NEDD4L: variants seen among roughly 807,000 people sequenced by gnomAD.
NEDD4L encodes the protein NEDD4 like E3 ubiquitin protein ligase.
Under a neutral mutation model 148.9 loss-of-function variants are expected in NEDD4L, and 54 were observed. The observed-to-expected ratio is 0.36, with a 90% confidence interval of 0.29 to 0.45. The LOEUF is 0.45. Ranked by LOEUF, NEDD4L falls within the 20% of genes least tolerant of loss-of-function variation. The pLI is 1.00. For synonymous variants in NEDD4L, 433 were observed against 440.7 expected, an observed-to-expected ratio of 0.98 and a Z score of 0.22; for missense variants, 856 against 1,233.8, an observed-to-expected ratio of 0.69 and a Z score of 4.59.
chr18:58,350,916 T>TGATTTCAG, intron 17 of NEDD4L, 75 bp from the exon 18 acceptor site: 1 of 1,186,510 alleles, frequency 8.4e-7, no homozygotes, highest in East Asian at 2.6e-5. Flanking sequence ...CTATAGTTTT[T>TGATTTCAG]AAATGTTGCC....
At chr18:58,389,039 G>T (rs1213342696) in intron 27 of NEDD4L, 46 bp from the exon 28 acceptor site, 2 of 1,496,358 alleles carry the variant, frequency 1.3e-6, no homozygotes, top group South Asian at 1.1e-5. Context: ...GTGTGATCTC[G>T]CACCTTTCAC....
At chr18:58,389,996 T>G (rs1300939249) in intron 28 of NEDD4L, 1 of 152,156 alleles carries the variant, frequency 6.6e-6, no homozygotes. Context: ...TGCCTTTTAT[T>G]ACTATTTCAA....
At chr18:58,049,747 C>T (rs1293273696) in intron 1 of NEDD4L, among the ~76,000 whole-genome samples, 10 of 152,076 alleles carry the variant, frequency 6.6e-5, no homozygotes, top group Non-Finnish European at 1.3e-4. Flanking sequence ...GAGGCCGAGG[C>T]AGGAGAATCA....
chr18:58,189,356 C>T (rs920544176), intron 2 of NEDD4L, among the ~76,000 whole-genome samples: 5 of 152,084 alleles, frequency 3.3e-5, no homozygotes, highest in African/African-American at 9.7e-5. Flanking sequence ...ACCTTTACAC[C>T]CCAGGAGTTG....
rs943644318 is a variant in NEDD4L at position 58,320,421 on chromosome 18, G to A, written c.349-2004G>A. Reference sequence around the variant, plus strand: ...AATTTGTTCTGCCTTAGCTTCTAGTGGATTGTTGACATGATGGCTCTTCCC... The same window carrying A: ...AATTTGTTCTGCCTTAGCTTCTAGTAGATTGTTGACATGATGGCTCTTCCC... On this transcript the variant is annotated intron_variant, in intron 6 of 30. Transcript: ENST00000400345. Among the ~76,000 whole-genome samples, 11 of 152,166 alleles carry A rather than the reference G, an allele frequency of 7.2e-5. No individual in the cohort carries two copies. The South Asian group carries it at 2.3e-3, about 32-fold the overall frequency.
At chr18:58,139,296 C>T (rs957371718) in intron 1 of NEDD4L, among the ~76,000 whole-genome samples, 27 of 151,782 alleles carry the variant, frequency 1.8e-4, no homozygotes, top group African/African-American at 5.8e-4. Context: ...AACCCCTCCC[C>T]CGACCCCCGC....
intron 1 of NEDD4L, among the ~76,000 whole-genome samples, chr18:58,127,998 T>C (rs1328303349): frequency 2.0e-5 from 3 of 152,114 alleles, no homozygotes; most frequent in Non-Finnish European, 2.9e-5. Flanking sequence ...AGTGCCACCA[T>C]GCCCGGCTAA....
chr18:58,120,568 A>G (rs547491611), intron 1 of NEDD4L, among the ~76,000 whole-genome samples: 31 of 152,206 alleles, frequency 2.0e-4, no homozygotes, highest in African/African-American at 7.5e-4. Flanking sequence ...TCACGAGGTC[A>G]GGAGATCGAG....
At chr18:58,119,876 C>T (rs536545) in intron 1 of NEDD4L, among the ~76,000 whole-genome samples, 22,843 of 152,122 alleles carry the variant, frequency 0.15, 1,894 homozygotes, top group South Asian at 0.24. Context: ...AGAAGCTGCC[C>T]GGGTGGTTCT....
chr18:58,375,063 T>G (rs79375322), intron 24 of NEDD4L, among the ~76,000 whole-genome samples: 3,886 of 152,186 alleles, frequency 0.026, 176 homozygotes, highest in African/African-American at 0.086. Context: ...GTCTCATCAG[T>G]GCCACCACTG....
intron 1 of NEDD4L, among the ~76,000 whole-genome samples, chr18:58,101,481 C>T (rs1316583344): frequency 2.0e-5 from 3 of 151,762 alleles, no homozygotes; most frequent in South Asian, 2.1e-4. Context: ...GGAAAGAGCC[C>T]GTTCTTTGTT....
chr18:58,156,710 G>A (rs991495006), intron 1 of NEDD4L, among the ~76,000 whole-genome samples: 5 of 152,212 alleles, frequency 3.3e-5, no homozygotes, highest in African/African-American at 1.2e-4. Context: ...TTTGACCTGG[G>A]TTAATGACCG....
At chr18:58,221,667 C>CT (rs2043789470) in intron 2 of NEDD4L, 6 of 985,314 alleles carry the variant, frequency 6.1e-6, no homozygotes, top group Non-Finnish European at 7.2e-6. Flanking sequence ...GGCCAGGGAG[C>CT]CGGAGGGTCA....
intron 2 of NEDD4L, among the ~76,000 whole-genome samples, chr18:58,218,911 G>A (rs1405461690): frequency 6.6e-6 from 1 of 152,186 alleles, no homozygotes; most frequent in African/African-American, 2.4e-5. Flanking sequence ...GTATTGTGAA[G>A]GCAGTGGTGG....
At chr18:58,322,390 A>G in intron 6 of NEDD4L, 35 bp from the exon 7 acceptor site, 1 of 1,399,068 alleles carries the variant, frequency 7.1e-7, no homozygotes, top group Non-Finnish European at 1.0e-6. Context: ...ATTATTAGGA[A>G]TATTAAAATT....
intron 1 of NEDD4L, among the ~76,000 whole-genome samples, chr18:58,161,230 C>T (rs2036165736): frequency 6.6e-6 from 1 of 152,158 alleles, no homozygotes; most frequent in African/African-American, 2.4e-5. Context: ...GGGTTTTCAC[C>T]ATGTTGGTCA....
intron 2 of NEDD4L, among the ~76,000 whole-genome samples, chr18:58,238,544 G>T (rs909367598): frequency 6.6e-6 from 1 of 152,086 alleles, no homozygotes; most frequent in Non-Finnish European, 1.5e-5. Flanking sequence ...GATTTTAGGG[G>T]TTTATAATAT....
In NEDD4L at chr18:58,256,788, G is replaced by A. The variant is rs1600316739; in HGVS notation, c.297+4734G>A. 4.1e-6 allele frequency: 5 copies of A among 1,231,430 alleles called. No homozygotes were observed. Among genetic ancestry groups the A allele is most frequent in the African/African-American group, 1.6e-5 (1 of 64,426 alleles). The allele number at this position is 1,231,430 out of a possible 1,614,324, so 76.3% of individuals were successfully genotyped here. A position where few individuals can be genotyped will look rare whatever the true frequency, so the allele number is the denominator to read the frequency against. On this transcript the variant is annotated intron_variant, in intron 5 of 30. Coordinates refer to ENST00000400345, the MANE Select transcript of NEDD4L (RefSeq NM_001144967.3). The surrounding 1 kb of genome is among the most constrained non-coding windows in gnomAD (Gnocchi z 5.2). Reference sequence around the variant, plus strand: ...GCTGACACCACGGTAAGTTCACAGCGTGTTTACATGTGTTTACTGATTTCA... The same window carrying A: ...GCTGACACCACGGTAAGTTCACAGCATGTTTACATGTGTTTACTGATTTCA...
intron 2 of NEDD4L, among the ~76,000 whole-genome samples, chr18:58,217,701 A>C (rs1190770455): frequency 6.6e-6 from 1 of 152,200 alleles, no homozygotes; most frequent in Non-Finnish European, 1.5e-5. Flanking sequence ...ATATTGGAAA[A>C]GATAAAACAT....
Sources: allele counts gnomAD v4.1 joint callset (sites outside exome capture counted in the v4.1 genomes callset), GRCh38; gene constraint gnomAD v4.1.1; non-coding constraint Gnocchi (gnomAD v3.1); transcripts MANE v1.5; gene names NCBI Gene and HGNC (gene_info 2026-07-23, HGNC 2026-07-21).